Variants in DLGAP4 observed in about 807,000 individuals in gnomAD.
The protein encoded by DLGAP4 is disks large-associated protein 4.
Under a neutral mutation model 86.9 loss-of-function variants are expected in DLGAP4, and 18 were observed. The ratio of observed to expected loss-of-function variants is 0.21; its 90% CI spans 0.14 to 0.31. The LOEUF is 0.31. Among genes scored for constraint, DLGAP4 ranks in the 10% least tolerant of loss-of-function variants. The pLI is 1.00. For synonymous variants in DLGAP4, 548 were observed against 574.3 expected (o/e 0.95, Z 0.65); for missense variants, 1,085 against 1,362.6 (o/e 0.80, Z 3.21).
At position 36,500,482 on chromosome 20, in the gene DLGAP4, G is replaced by A; in HGVS notation, c.2383G>A (p.Ala795Thr). Residue 795 changes from alanine to threonine, a missense_variant, in exon 10 of 13, where the codon GCA becomes ACA. By Grantham distance (58) the Ala-to-Thr change is moderately conservative. This residue lies in a region of DLGAP4 where 1,082 missense variants were observed against 1,344.1 expected (regional missense o/e 0.81). Transcript: ENST00000339266. The surrounding 1 kb of genome is among the most constrained non-coding windows in gnomAD (Gnocchi z 4.6). ...ETSSSSPAEPAQPGACRRDGY... is the reference protein window; with the variant it reads ...ETSSSSPAEPTQPGACRRDGY... ...CTCCTCCAGCTCCCCAGCAGAGCCG[G>A]CACAGCCAGGGGCCTGCCGCCGAGA... The A allele has an allele frequency of 6.3e-7, 1 of 1,592,200 alleles. No homozygotes were observed.
chr20:36,526,980 G>A lies in DLGAP4; in HGVS notation c.2928G>A (p.Glu976=), dbSNP rs777691739. The A allele has an allele frequency of 1.9e-6, 3 of 1,613,510 alleles. No homozygotes were observed. The Admixed American group carries it at 5.0e-5, about 27-fold the overall frequency. The change falls in exon 13 of 13, where the codon GAG becomes GAA. Residue 976 remains glutamate (E), a synonymous_variant. Coordinates refer to ENST00000339266, the MANE Select transcript of DLGAP4 (RefSeq NM_001365621.2). ...AASVRQNSAT[E]SADSIEIYVP... is the part of the protein sequence containing the mutation. ...CTGTGCGGCAGAACTCAGCCACCGA[G>A]AGCGCAGACAGCATCGAGATTTATG... is the stretch of plus-strand genomic sequence containing the variant.
intron 10 of DLGAP4, among the ~76,000 whole-genome samples, chr20:36,523,590 G>C (rs1384102759): frequency 1.3e-5 from 2 of 152,188 alleles, no homozygotes; most frequent in African/African-American, 4.8e-5. Context: ...TACCTCAGCT[G>C]TAAAACTACT....
At chr20:36,381,660 G>A (rs926777992) in intron 2 of DLGAP4, among the ~76,000 whole-genome samples, 1 of 152,192 alleles carries the variant, frequency 6.6e-6, no homozygotes, top group African/African-American at 2.4e-5. Flanking sequence ...CTAGAGTCCT[G>A]AGAACATTCT....
At chr20:36,420,438 G>C (rs2032789956) in intron 2 of DLGAP4, among the ~76,000 whole-genome samples, 1 of 152,192 alleles carries the variant, frequency 6.6e-6, no homozygotes, top group South Asian at 2.1e-4. Flanking sequence ...ACTCCAGGCA[G>C]CTGGATCAGG....
chr20:36,455,103 CTA>C (rs2033845875), intron 7 of DLGAP4, among the ~76,000 whole-genome samples: 1 of 152,136 alleles, frequency 6.6e-6, no homozygotes, highest in Non-Finnish European at 1.5e-5. Context: ...TCTCTTCTCT[CTA>C]TGCCTCTGAG....
At chr20:36,461,363 C>G in intron 7 of DLGAP4, 8 of 774,648 alleles carry the variant, frequency 1.0e-5, no homozygotes, top group Non-Finnish European at 1.3e-5. Flanking sequence ...TGCGCGCGCC[C>G]CTGCCCGGCC....
At chr20:36,415,865 A>T (rs2032638470) in intron 2 of DLGAP4, among the ~76,000 whole-genome samples, 1 of 152,046 alleles carries the variant, frequency 6.6e-6, no homozygotes, top group South Asian at 2.1e-4. Flanking sequence ...GATGGAGGGG[A>T]GGGGCCAGCC....
intron 7 of DLGAP4, chr20:36,462,342 G>A: frequency 7.3e-7 from 1 of 1,363,386 alleles, no homozygotes; most frequent in Non-Finnish European, 9.4e-7. Context: ...CCCCTGCTTT[G>A]CTCTCCCTGC....
Position 36,524,233 on chromosome 20 carries a change from C to T in DLGAP4, c.2513-17C>T. On this transcript the variant is annotated splice_polypyrimidine_tract_variant and intron_variant, in intron 10 of 12. Coordinates refer to ENST00000339266, the MANE Select transcript of DLGAP4 (RefSeq NM_001365621.2). ...GTGCTGTGCTAAATCAGTCTTTTTCCACCCTCTGTTTCTCAGTCTTAGGAA... is the reference window on the plus strand; with the variant it reads ...GTGCTGTGCTAAATCAGTCTTTTTCTACCCTCTGTTTCTCAGTCTTAGGAA... 3.1e-6 allele frequency: 5 copies of T among 1,609,350 alleles called. No homozygotes were observed. The highest frequency in any genetic ancestry group is 4.3e-6 in the Non-Finnish European group (5 of 1,175,658).
At position 36,527,171 on chromosome 20, in the gene DLGAP4, G is replaced by T; in HGVS notation, c.*140G>T. On this transcript the variant is annotated 3_prime_UTR_variant, in exon 13 of 13. Coordinates refer to ENST00000339266, the MANE Select transcript of DLGAP4 (RefSeq NM_001365621.2). The stretch of plus-strand genomic sequence containing the variant: ...CCAACTTTCAAATTGACGCATACAA[G>T]GGCTCACAATTTGGCTTTTTTGGGT... The T allele has an allele frequency of 1.1e-6, 1 of 902,236 alleles. No individual in the cohort carries two copies. Among genetic ancestry groups the T allele is most frequent in the Non-Finnish European group, 1.6e-6 (1 of 633,136 alleles). The allele number at this position is 902,236 out of a possible 1,614,324, so 55.9% of individuals were successfully genotyped here.
intron 2 of DLGAP4, among the ~76,000 whole-genome samples, chr20:36,425,346 C>T (rs976250578): frequency 3.9e-5 from 6 of 152,158 alleles, no homozygotes; most frequent in Admixed American, 3.3e-4. Flanking sequence ...CATCATTAGT[C>T]ATCAGGAAAA....
At chr20:36,354,249 G>C (rs2030255655) in intron 1 of DLGAP4, among the ~76,000 whole-genome samples, 1 of 152,128 alleles carries the variant, frequency 6.6e-6, no homozygotes, top group Non-Finnish European at 1.5e-5. Flanking sequence ...TTGAGCCCAG[G>C]AGTTCAAAGC....
At position 36,524,099 on chromosome 20, in the gene DLGAP4, G is replaced by A. The variant is rs1227554715; in HGVS notation, c.2513-151G>A. 4 of 687,250 alleles carry A rather than the reference G, an allele frequency of 5.8e-6. No individual in the cohort carries two copies. The Admixed American group carries it at 6.9e-5, about 12-fold the overall frequency. The allele number at this position is 687,250 out of a possible 1,614,324, so 42.6% of individuals were successfully genotyped here. Reference sequence around the variant, plus strand: ...TGTTTGTGTTTTTCTCAATGAGAATGGATTAATGTGTAGATAAAATGAAGA... The same window carrying A: ...TGTTTGTGTTTTTCTCAATGAGAATAGATTAATGTGTAGATAAAATGAAGA... On this transcript the variant is annotated intron_variant, in intron 10 of 12. Coordinates refer to ENST00000339266, the MANE Select transcript of DLGAP4 (RefSeq NM_001365621.2).
chr20:36,429,398 C>CTTTTTT (rs151254062), intron 2 of DLGAP4, among the ~76,000 whole-genome samples: 25 of 76,020 alleles, frequency 3.3e-4, no homozygotes, highest in Admixed American at 5.5e-4. Flanking sequence ...TTCTTTTTTT[C>CTTTTTT]TTTTTTTTTT....
At chr20:36,499,505 G>A in intron 8 of DLGAP4, 83 bp from the exon 9 acceptor site, 3 of 1,468,294 alleles carry the variant, frequency 2.0e-6, no homozygotes, top group Non-Finnish European at 2.8e-6. Flanking sequence ...TCCCACTAAT[G>A]TGAATTTCAG....
At chr20:36,407,070 C>T (rs2032346337) in intron 2 of DLGAP4, among the ~76,000 whole-genome samples, 1 of 152,094 alleles carries the variant, frequency 6.6e-6, no homozygotes, top group Non-Finnish European at 1.5e-5. Context: ...GTTCCCTCAT[C>T]TTTCAATCAG....
At chr20:36,456,503 G>C (rs984985390) in intron 7 of DLGAP4, among the ~76,000 whole-genome samples, 1 of 152,202 alleles carries the variant, frequency 6.6e-6, no homozygotes, top group Non-Finnish European at 1.5e-5. Context: ...CATAGGGTCA[G>C]AGAATAATGG....
intron 6 of DLGAP4, among the ~76,000 whole-genome samples, chr20:36,446,298 C>A (rs950770603): frequency 3.9e-5 from 6 of 152,142 alleles, no homozygotes; most frequent in East Asian, 1.9e-4. Context: ...GGGATTGGAC[C>A]ATAGGATGGT....
intron 10 of DLGAP4, chr20:36,508,419 G>GTTTT (rs1569523131): frequency 7.4e-6 from 1 of 134,604 alleles, no homozygotes; most frequent in African/African-American, 3.0e-5. Context: ...ATGTTTCAGG[G>GTTTT]TTCTTTTTTT....
Sources: allele counts gnomAD v4.1 joint callset (sites outside exome capture counted in the v4.1 genomes callset), GRCh38; gene constraint gnomAD v4.1.1; regional missense constraint gnomAD v4.1.1; non-coding constraint Gnocchi (gnomAD v3.1); transcripts MANE v1.5; gene names NCBI Gene and HGNC (gene_info 2026-07-23, HGNC 2026-07-21).